RNF150: variants seen among roughly 807,000 people sequenced by gnomAD.
RNF150 encodes ring finger protein 150.
In RNF150, 24 loss-of-function variants were observed where a neutral mutation model predicts 39.3. That is an observed-to-expected ratio of 0.61 (90% CI 0.44 to 0.86). The LOEUF is 0.86. Ranked by LOEUF, RNF150 falls within the 40% of genes least tolerant of loss-of-function variation. The probability of loss-of-function intolerance (pLI) is 0.00; values close to 1 mark genes in which losing one functional copy is unlikely to be tolerated. For synonymous variants in RNF150, 255 were observed against 227.3 expected (o/e 1.12, Z -1.10); for missense variants, 502 against 587.8 (o/e 0.85, Z 1.51).
At chr4:141,169,654 G>C (rs922710643) in intron 1 of RNF150, among the ~76,000 whole-genome samples, 4 of 151,986 alleles carry the variant, frequency 2.6e-5, no homozygotes, top group African/African-American at 9.7e-5. Context: ...GATCTCTTCA[G>C]GCTTGAGTTC....
At chr4:141,098,416 G>A (rs1046352879) in intron 1 of RNF150, among the ~76,000 whole-genome samples, 15 of 152,230 alleles carry the variant, frequency 9.9e-5, no homozygotes, top group African/African-American at 2.9e-4. Flanking sequence ...AATGCAAAAC[G>A]CCATGATGCC....
At chr4:141,098,425 C>T (rs572110770) in intron 1 of RNF150, among the ~76,000 whole-genome samples, 77 of 152,332 alleles carry the variant, frequency 5.1e-4, no homozygotes, top group Non-Finnish European at 9.6e-4. Flanking sequence ...CGCCATGATG[C>T]CCACAGTGCA....
intron 1 of RNF150, among the ~76,000 whole-genome samples, chr4:141,165,458 T>G (rs1727584263): frequency 6.6e-6 from 1 of 152,186 alleles, no homozygotes; most frequent in Non-Finnish European, 1.5e-5. Flanking sequence ...CTAATAGACA[T>G]CTACAGAATT....
chr4:141,051,080 CAGGGA>C (rs1736759622), intron 1 of RNF150, among the ~76,000 whole-genome samples: 1 of 152,230 alleles, frequency 6.6e-6, no homozygotes. Flanking sequence ...CTCAGCACCA[CAGGGA>C]AGGTGCCAGG....
intron 4 of RNF150, among the ~76,000 whole-genome samples, chr4:140,929,643 G>C (rs1731546267): frequency 6.6e-6 from 1 of 152,100 alleles, no homozygotes; most frequent in South Asian, 2.1e-4. Flanking sequence ...TGGGATTACA[G>C]GCGTGAGACA....
chr4:140,904,181 G>C (rs1264038138), intron 6 of RNF150, among the ~76,000 whole-genome samples: 1 of 152,188 alleles, frequency 6.6e-6, no homozygotes, highest in African/African-American at 2.4e-5. Flanking sequence ...AGAAGCAAGG[G>C]GGTGATGTTG....
At chr4:141,158,660 A>T (rs984411153) in intron 1 of RNF150, among the ~76,000 whole-genome samples, 3 of 152,182 alleles carry the variant, frequency 2.0e-5, no homozygotes, top group Non-Finnish European at 4.4e-5. Context: ...CTCATTTATC[A>T]TTACCATTTC....
At chr4:141,041,082 A>T (rs958721977) in intron 1 of RNF150, among the ~76,000 whole-genome samples, 1 of 152,252 alleles carries the variant, frequency 6.6e-6, no homozygotes, top group Non-Finnish European at 1.5e-5. Flanking sequence ...TACTATAAAC[A>T]TTCATTTAAA....
At chr4:141,164,687 T>A (rs1206937640) in intron 1 of RNF150, among the ~76,000 whole-genome samples, 3 of 152,106 alleles carry the variant, frequency 2.0e-5, no homozygotes, top group Non-Finnish European at 4.4e-5. Context: ...AACCCAGAAT[T>A]TCATGTCCAA....
At chr4:141,017,927 A>C (rs1319007453) in intron 1 of RNF150, among the ~76,000 whole-genome samples, 1 of 152,184 alleles carries the variant, frequency 6.6e-6, no homozygotes, top group South Asian at 2.1e-4. Flanking sequence ...GTTGCCTCCA[A>C]GTTTTGGCAA....
chr4:141,030,692 C>T (rs1735911018), intron 1 of RNF150, among the ~76,000 whole-genome samples: 1 of 151,980 alleles, frequency 6.6e-6, no homozygotes, highest in Admixed American at 6.6e-5. Flanking sequence ...TCAGATTATA[C>T]TAAATAAGAT....
intron 1 of RNF150, among the ~76,000 whole-genome samples, chr4:141,121,923 A>G (rs1022111313): frequency 6.6e-6 from 1 of 152,066 alleles, no homozygotes; most frequent in Admixed American, 6.6e-5. Context: ...CACTCTAGAA[A>G]CATATGGGGA....
intron 1 of RNF150, among the ~76,000 whole-genome samples, chr4:141,060,388 C>T (rs2110916843): frequency 6.6e-6 from 1 of 152,266 alleles, no homozygotes; most frequent in South Asian, 2.1e-4. Context: ...TTGCACTGAG[C>T]CATGGCTGAG....
chr4:141,085,014 C>T (rs1379288884), intron 1 of RNF150, among the ~76,000 whole-genome samples: 1 of 152,132 alleles, frequency 6.6e-6, no homozygotes, highest in Non-Finnish European at 1.5e-5. Context: ...TATGCTCATC[C>T]TTGGGGCTGT....
At chr4:141,006,068 CAAA>C (rs370503215) in intron 1 of RNF150, among the ~76,000 whole-genome samples, 1 of 57,732 alleles carries the variant, frequency 1.7e-5, no homozygotes, top group Non-Finnish European at 3.6e-5. Context: ...GACTCCGTCT[CAAA>C]AAAAAAAAAA....
At chr4:141,026,634 CAT>C (rs1252975200) in intron 1 of RNF150, among the ~76,000 whole-genome samples, 1 of 152,188 alleles carries the variant, frequency 6.6e-6, no homozygotes, top group African/African-American at 2.4e-5. Context: ...CTTCAACACA[CAT>C]ATACTCCCAG....
At chr4:141,128,798 G>A (rs1726819053) in intron 1 of RNF150, among the ~76,000 whole-genome samples, 2 of 152,050 alleles carry the variant, frequency 1.3e-5, no homozygotes, top group Non-Finnish European at 2.9e-5. Flanking sequence ...TGAAAGTCTG[G>A]AAAAGAATAA....
intron 6 of RNF150, among the ~76,000 whole-genome samples, chr4:140,873,340 G>T (rs1273882242): frequency 6.6e-6 from 1 of 152,120 alleles, no homozygotes; most frequent in Non-Finnish European, 1.5e-5. Flanking sequence ...CTGCTTGCCT[G>T]GCCTGTGCAG....
At chr4:140,926,186 C>T in intron 4 of RNF150, 113 bp from the exon 5 acceptor site, 1 of 721,432 alleles carries the variant, frequency 1.4e-6, no homozygotes, top group South Asian at 1.6e-5. Flanking sequence ...AGAGCCAAGA[C>T]TCAAACCTCC....
Sources: allele counts gnomAD v4.1 joint callset (sites outside exome capture counted in the v4.1 genomes callset), GRCh38; gene constraint gnomAD v4.1.1; transcripts MANE v1.5; gene names NCBI Gene and HGNC (gene_info 2026-07-23, HGNC 2026-07-21).